Variants in DDX60L observed in about 807,000 individuals in gnomAD.
DDX60L encodes probable ATP-dependent RNA helicase DDX60-like.
DDX60L carries 191 observed loss-of-function variants against 211.6 expected under a neutral mutation model. The ratio of observed to expected loss-of-function variants is 0.90; its 90% CI spans 0.80 to 1.02. The LOEUF is 1.02. Ranked by LOEUF, DDX60L falls within the 50% of genes least tolerant of loss-of-function variation. The pLI, the probability that DDX60L is intolerant of heterozygous loss-of-function variation, is 0.00. For missense variants in DDX60L, 2,007 were observed against 1,984.1 expected (o/e 1.01, Z -0.22); for synonymous variants, 706 against 694.1 (o/e 1.02, Z -0.27).
intron 36 of DDX60L, among the ~76,000 whole-genome samples, chr4:168,369,483 C>CAAAAAAAAAAAAAAAAAAAA (rs113198591): frequency 2.4e-5 from 1 of 41,498 alleles, no homozygotes. Context: ...TTAAAAAAAA[C>CAAAAAAAAAAAAAAAAAAAA]AAAAAAAAAA....
At chr4:168,361,344 T>C in intron 36 of DDX60L, 133 bp from the exon 37 acceptor site, 1 of 570,954 alleles carries the variant, frequency 1.8e-6, no homozygotes, top group East Asian at 3.0e-5. Context: ...AGCATTCTAT[T>C]GTATTAATCA....
chr4:168,439,475 T>G (rs1339780757), intron 10 of DDX60L, among the ~76,000 whole-genome samples: 1 of 152,096 alleles, frequency 6.6e-6, no homozygotes. Context: ...CTATAAATTT[T>G]GGACTTGCCG....
intron 8 of DDX60L, among the ~76,000 whole-genome samples, chr4:168,452,891 A>G (rs1478360253): frequency 1.3e-5 from 2 of 152,208 alleles, no homozygotes; most frequent in Admixed American, 6.5e-5. Context: ...TGATTATACA[A>G]AAACAAGATC....
chr4:168,367,904 G>C (rs1387478450), intron 36 of DDX60L, among the ~76,000 whole-genome samples: 4 of 152,210 alleles, frequency 2.6e-5, no homozygotes, highest in Non-Finnish European at 5.9e-5. Flanking sequence ...GGTACCTGGA[G>C]AAAGAAATTT....
At chr4:168,364,250 C>A (rs1327831447) in intron 36 of DDX60L, among the ~76,000 whole-genome samples, 1 of 152,058 alleles carries the variant, frequency 6.6e-6, no homozygotes, top group East Asian at 1.9e-4. Context: ...CAAAAGTGAG[C>A]AGGAGTAGCA....
chr4:168,376,038 T>C (rs952563172), intron 33 of DDX60L, among the ~76,000 whole-genome samples: 6 of 152,208 alleles, frequency 3.9e-5, no homozygotes, highest in African/African-American at 1.4e-4. Context: ...GTTCCAAACC[T>C]GACAGGTAGT....
intron 14 of DDX60L, 99 bp downstream of exon 14, chr4:168,426,968 GGAT>G (rs1180104529): frequency 8.0e-7 from 1 of 1,246,136 alleles, no homozygotes; most frequent in African/African-American, 1.5e-5. Flanking sequence ...ATCAGACAAT[GGAT>G]TATACAAAGT....
intron 36 of DDX60L, among the ~76,000 whole-genome samples, chr4:168,364,926 A>T (rs565879589): frequency 1.3e-5 from 2 of 152,304 alleles, no homozygotes; most frequent in South Asian, 4.1e-4. Context: ...CTTAAAAAAA[A>T]CCCAACAGAT....
intron 6 of DDX60L, among the ~76,000 whole-genome samples, chr4:168,457,618 TA>T (rs1368114713): frequency 1.3e-5 from 2 of 152,136 alleles, no homozygotes; most frequent in Admixed American, 1.3e-4. Flanking sequence ...TACTGGAAAA[TA>T]AACATTACTG....
rs3762856 is a variant in DDX60L at position 168,406,040 on chromosome 4, C to T, written c.3123G>A (p.Lys1041=). The T allele has an allele frequency of 0.34, 535,293 of 1,596,578 alleles. 91,454 individuals are homozygous for T. The highest frequency in any genetic ancestry group is 0.45 in the East Asian group (19,989 of 44,104). The change falls in exon 24 of 38, where the codon AAG becomes AAA. Residue 1041 remains lysine (K), a synonymous_variant. Coordinates refer to ENST00000682922, the MANE Select transcript of DDX60L (RefSeq NM_001012967.3). ...TAGCATCCAACTTCTTAATGACTAT[C>T]TTATTCTTAAAAAGAATGAATTCCT... The part of the protein sequence containing the change: ...CPEEFILFKN[K]IVIKKLDARK...
chr4:168,421,792 C>T lies in DDX60L; in HGVS notation c.2362G>A (p.Val788Ile), dbSNP rs751897693. ...CMEKVLRESD[V>I]GVVVYVAPAK... ...GGTGCAACGTACACAACCACCCCGA[C>T]ATCGCTCTCCCTCAGCACTTTCTCC... The change falls in exon 17 of 38, where the codon GTC becomes ATC. Residue 788 changes from valine to isoleucine, a missense_variant. Coordinates refer to ENST00000682922, the MANE Select transcript of DDX60L (RefSeq NM_001012967.3). 2 of 1,614,090 alleles carry T rather than the reference C, an allele frequency of 1.2e-6. No homozygotes were observed. The highest frequency in any genetic ancestry group is 2.2e-5 in the East Asian group (1 of 44,900).
intron 4 of DDX60L, among the ~76,000 whole-genome samples, chr4:168,467,958 A>G (rs1330637328): frequency 1.3e-5 from 2 of 152,136 alleles, no homozygotes; most frequent in Admixed American, 1.3e-4. Context: ...CCTGAGGTCC[A>G]GAGTTCAAGA....
chr4:168,475,240 T>C (rs1759313011), intron 1 of DDX60L, among the ~76,000 whole-genome samples: 2 of 152,310 alleles, frequency 1.3e-5, no homozygotes, highest in East Asian at 1.9e-4. Context: ...TGTGTTAATA[T>C]ATAAACTGCT....
intron 35 of DDX60L, 74 bp from the exon 36 acceptor site, chr4:168,371,837 T>C: frequency 7.4e-7 from 1 of 1,344,742 alleles, no homozygotes; most frequent in Non-Finnish European, 1.0e-6. Context: ...AGATTTCCTT[T>C]GTATGAATCT....
intron 1 of DDX60L, among the ~76,000 whole-genome samples, chr4:168,477,780 A>G (rs1759784129): frequency 6.6e-6 from 1 of 152,236 alleles, no homozygotes; most frequent in Non-Finnish European, 1.5e-5. Context: ...ACCACATGCC[A>G]ACAAGCCTGA....
intron 10 of DDX60L, among the ~76,000 whole-genome samples, chr4:168,436,521 A>G (rs1753055348): frequency 6.6e-6 from 1 of 152,180 alleles, no homozygotes; most frequent in Non-Finnish European, 1.5e-5. Flanking sequence ...GTCTAACAGC[A>G]TTTTAGAGAC....
intron 16 of DDX60L, 65 bp from the exon 17 acceptor site, chr4:168,421,974 T>C: frequency 1.3e-6 from 2 of 1,596,600 alleles, no homozygotes. Context: ...ACACAGACAG[T>C]ATCCTTTGTA....
chr4:168,472,027 T>TTAC, intron 3 of DDX60L, 91 bp from the exon 4 acceptor site: 1 of 1,070,362 alleles, frequency 9.3e-7, no homozygotes, highest in African/African-American at 1.6e-5. Context: ...AAGCTACTGT[T>TTAC]TGTTGAGTAC....
intron 15 of DDX60L, among the ~76,000 whole-genome samples, chr4:168,423,326 C>T (rs1662549075): frequency 1.3e-5 from 2 of 151,798 alleles, no homozygotes; most frequent in Admixed American, 1.3e-4. Context: ...GGATTCATTC[C>T]TGTTACCAAG....
Sources: gnomAD v4.1 joint callset for allele counts (sites outside exome capture counted in the v4.1 genomes callset) on GRCh38, gnomAD v4.1.1 for gene constraint, MANE v1.5 for transcripts, NCBI Gene and HGNC (gene_info 2026-07-23, HGNC 2026-07-21) for gene names.